The following GAP43 variants were observed in gnomAD, a reference collection of about 807,000 sequenced individuals.
GAP43 encodes the protein growth associated protein 43, also known as neuromodulin.
Under a neutral mutation model 18.6 loss-of-function variants are expected in GAP43, and 6 were observed. That is an observed-to-expected ratio of 0.32 (90% CI 0.18 to 0.64). The LOEUF is 0.64. Ranked by LOEUF, GAP43 falls within the 30% of genes least tolerant of loss-of-function variation. The probability of loss-of-function intolerance (pLI) is 0.78; values close to 1 mark genes in which losing one functional copy is unlikely to be tolerated. For missense variants in GAP43, 292 were observed against 295.5 expected, an observed-to-expected ratio of 0.99 and a Z score of 0.09; for synonymous variants, 115 against 111.4, an observed-to-expected ratio of 1.03 and a Z score of -0.20.
At chr3:115,655,438 A>C (rs1035236360) in intron 1 of GAP43, among the ~76,000 whole-genome samples, 2 of 152,254 alleles carry the variant, frequency 1.3e-5, no homozygotes, top group Non-Finnish European at 2.9e-5. Context: ...AAATTAAAAC[A>C]CAACACTAAG....
chr3:115,665,065 C>A (rs910017731), intron 1 of GAP43, among the ~76,000 whole-genome samples: 2 of 151,952 alleles, frequency 1.3e-5, no homozygotes, highest in Non-Finnish European at 2.9e-5. Context: ...AAGGTGTGTA[C>A]AAATTACTGC....
rs567772604 is a variant in GAP43, at chr3:115,663,499, T to C, written c.31-12514T>C. ...CAGTATTGCTTTCCCTGCTCTCTGA[T>C]ATTTTTCTCTTTTGCTTTCAGAATT... On this transcript the variant is annotated intron_variant, in intron 1 of 2. Transcript: ENST00000305124. 2.1e-5 allele frequency: 25 copies of C among 1,180,102 alleles called. No homozygotes were observed. In the African/African-American group the frequency reaches 3.5e-4, roughly 17 times the overall value. 73.1% of individuals were successfully genotyped at this position (1,180,102 alleles called of 1,614,324 possible).
At chr3:115,684,887 G>A (rs758406016) in intron 2 of GAP43, among the ~76,000 whole-genome samples, 2 of 152,124 alleles carry the variant, frequency 1.3e-5, no homozygotes, top group South Asian at 2.1e-4. Context: ...GAAAAGAGAC[G>A]TCATTTATTT....
intron 2 of GAP43, among the ~76,000 whole-genome samples, chr3:115,715,182 T>G (rs920469873): frequency 6.6e-6 from 1 of 152,208 alleles, no homozygotes; most frequent in Non-Finnish European, 1.5e-5. Flanking sequence ...AACACAGACA[T>G]TTAATGCATA....
intron 1 of GAP43, among the ~76,000 whole-genome samples, chr3:115,624,466 G>C (rs553757337): frequency 6.6e-6 from 1 of 152,158 alleles, no homozygotes; most frequent in South Asian, 2.1e-4. Flanking sequence ...GGGAAAGACA[G>C]CCGGGTATTA....
chr3:115,671,967 TGG>T (rs1174447268), intron 1 of GAP43, among the ~76,000 whole-genome samples: 4 of 152,226 alleles, frequency 2.6e-5, no homozygotes, highest in African/African-American at 9.6e-5. Flanking sequence ...GGATTCTATG[TGG>T]GTAGACACAG....
intron 1 of GAP43, among the ~76,000 whole-genome samples, chr3:115,652,233 G>T (rs9879754): frequency 0.37 from 56,126 of 150,868 alleles, 11,009 homozygotes; most frequent in East Asian, 0.47. Flanking sequence ...ATTATCTTTT[G>T]TATTATTTAT....
At chr3:115,710,596 A>G (rs1428297238) in intron 2 of GAP43, among the ~76,000 whole-genome samples, 1 of 152,190 alleles carries the variant, frequency 6.6e-6, no homozygotes, top group Non-Finnish European at 1.5e-5. Flanking sequence ...TCCACTAAAA[A>G]TTGTTTTGAA....
intron 1 of GAP43, among the ~76,000 whole-genome samples, chr3:115,636,726 G>A (rs1353961182): frequency 6.6e-6 from 1 of 151,950 alleles, no homozygotes; most frequent in African/African-American, 2.4e-5. Flanking sequence ...TTTACTTATG[G>A]TTGTGTTTCA....
At chr3:115,663,810 C>T (rs1156384811) in intron 1 of GAP43, 1 of 1,551,812 alleles carries the variant, frequency 6.4e-7, no homozygotes, top group East Asian at 2.4e-5. Context: ...TTATGCCACC[C>T]CGCACTCCAC....
intron 1 of GAP43, among the ~76,000 whole-genome samples, chr3:115,639,691 A>G (rs943522543): frequency 2.0e-5 from 3 of 152,046 alleles, no homozygotes; most frequent in African/African-American, 7.2e-5. Context: ...CCAATAAACA[A>G]AGGAAAAATG....
At chr3:115,691,519 A>T (rs1709109993) in intron 2 of GAP43, among the ~76,000 whole-genome samples, 2 of 152,232 alleles carry the variant, frequency 1.3e-5, no homozygotes, top group South Asian at 4.1e-4. Context: ...TATTTTATTG[A>T]ACACACAGTA....
rs544192605 is a variant in GAP43, at chr3:115,646,991, G to A, written c.30+23272G>A. Among the ~76,000 whole-genome samples, 12 of 152,070 alleles carry A rather than the reference G, an allele frequency of 7.9e-5. No homozygotes were observed. In the East Asian group the frequency reaches 1.4e-3, roughly 17 times the overall value. On this transcript the variant is annotated intron_variant, in intron 1 of 2. Coordinates refer to ENST00000305124, the MANE Select transcript of GAP43 (RefSeq NM_002045.4). ...GGATACAAAACCCCACCAACAAGGAGGGTGCTATGATTTGAATGTTAGTTC... is the reference window on the plus strand; with the variant it reads ...GGATACAAAACCCCACCAACAAGGAAGGTGCTATGATTTGAATGTTAGTTC...
intron 2 of GAP43, among the ~76,000 whole-genome samples, chr3:115,697,049 G>A (rs1466474342): frequency 6.6e-6 from 1 of 151,856 alleles, no homozygotes; most frequent in African/African-American, 2.4e-5. Context: ...ATATTGGTCA[G>A]GATGGTCTCA....
chr3:115,674,209 A>G (rs1353891530), intron 1 of GAP43, among the ~76,000 whole-genome samples: 2 of 152,180 alleles, frequency 1.3e-5, no homozygotes, highest in Non-Finnish European at 2.9e-5. Flanking sequence ...CTCTTTTATT[A>G]GTGGTCTTTT....
chr3:115,665,230 T>C (rs1708718134), intron 1 of GAP43, among the ~76,000 whole-genome samples: 1 of 152,198 alleles, frequency 6.6e-6, no homozygotes, highest in East Asian at 1.9e-4. Flanking sequence ...TAATGCCTCC[T>C]ACACAGAGAT....
At chr3:115,626,540 C>T (rs1708190368) in intron 1 of GAP43, among the ~76,000 whole-genome samples, 1 of 152,012 alleles carries the variant, frequency 6.6e-6, no homozygotes, top group Non-Finnish European at 1.5e-5. Context: ...ATAAAATAAT[C>T]CCTAATATTG....
intron 2 of GAP43, among the ~76,000 whole-genome samples, chr3:115,681,449 G>A (rs62269627): frequency 1.8e-4 from 28 of 152,046 alleles, no homozygotes; most frequent in African/African-American, 6.5e-4. Context: ...TGATGCTTTT[G>A]GGAAATACCA....
intron 1 of GAP43, among the ~76,000 whole-genome samples, chr3:115,626,986 C>T (rs1393063019): frequency 1.3e-5 from 2 of 151,274 alleles, no homozygotes; most frequent in African/African-American, 4.9e-5. Flanking sequence ...CACTCAGGGA[C>T]TTAGTGAATT....
Sources: allele counts gnomAD v4.1 joint callset (sites outside exome capture counted in the v4.1 genomes callset), GRCh38; gene constraint gnomAD v4.1.1; transcripts MANE v1.5; gene names NCBI Gene and HGNC (gene_info 2026-07-23, HGNC 2026-07-21).